SIK3: variants seen among roughly 807,000 people sequenced by gnomAD.
SIK3 encodes the protein serine/threonine-protein kinase SIK3.
Under a neutral mutation model 144.2 loss-of-function variants are expected in SIK3, and 28 were observed. The ratio of observed to expected loss-of-function variants is 0.19; its 90% CI spans 0.14 to 0.27. SIK3 has a LOEUF of 0.27. Among genes scored for constraint, SIK3 ranks in the 10% least tolerant of loss-of-function variants. The pLI, the probability that SIK3 is intolerant of heterozygous loss-of-function variation, is 1.00. For synonymous variants in SIK3, 686 were observed against 676.3 expected (o/e 1.01, Z -0.22); for missense variants, 1,319 against 1,776.0 (o/e 0.74, Z 4.62).
chr11:116,884,057 C>T (rs1054293973), intron 6 of SIK3, among the ~76,000 whole-genome samples: 6 of 152,000 alleles, frequency 3.9e-5, no homozygotes, highest in African/African-American at 1.5e-4. Context: ...TTTGTTGTTG[C>T]ACTGAAATTT....
chr11:116,868,967 G>A (rs1943804357), intron 14 of SIK3: 1 of 152,126 alleles, frequency 6.6e-6, no homozygotes, highest in African/African-American at 2.4e-5. Flanking sequence ...CATCAAAACT[G>A]ATGGGCATTA....
At chr11:117,080,535 A>G (rs748422122) in intron 1 of SIK3, among the ~76,000 whole-genome samples, 2 of 152,226 alleles carry the variant, frequency 1.3e-5, no homozygotes, top group Admixed American at 6.5e-5. Flanking sequence ...AAATAAGTCT[A>G]CGTGTTTTGA....
intron 1 of SIK3, among the ~76,000 whole-genome samples, chr11:117,000,134 T>C (rs145071683): frequency 7.2e-5 from 11 of 152,328 alleles, no homozygotes; most frequent in Non-Finnish European, 1.6e-4. Context: ...TCAGGTCACA[T>C]TTAGCTCAAG....
chr11:117,039,929 G>A (rs1427661223), intron 1 of SIK3, among the ~76,000 whole-genome samples: 1 of 152,186 alleles, frequency 6.6e-6, no homozygotes, highest in East Asian at 1.9e-4. Flanking sequence ...AACAAGGATA[G>A]CAGCAGGTTC....
At chr11:116,912,338 T>C (rs975388167) in intron 4 of SIK3, among the ~76,000 whole-genome samples, 7 of 152,202 alleles carry the variant, frequency 4.6e-5, no homozygotes, top group Admixed American at 6.5e-5. Flanking sequence ...ATCAACTGGA[T>C]ATGTCTATGT....
At chr11:117,019,754 C>T (rs1209359875) in intron 1 of SIK3, among the ~76,000 whole-genome samples, 1 of 152,066 alleles carries the variant, frequency 6.6e-6, no homozygotes, top group Non-Finnish European at 1.5e-5. Context: ...GCTGGGACTA[C>T]AGGCGCGTGC....
Position 116,859,483 on chromosome 11 carries a change from A to T in SIK3, c.2547T>A (p.Pro849=). Residue 849 remains proline (P), a synonymous_variant, in exon 20 of 25, where the codon CCT becomes CCA. Transcript: ENST00000445177. ...GGATGGTGACCTGCTGTGACTGAGC[A>T]GGCTGCTGCATACCCAAGCAGGTTA... ...VALTCLGMQQ[P]AQSQQVTIQV... 1.2e-6 allele frequency: 2 copies of T among 1,614,210 alleles called. No homozygotes were observed. Among genetic ancestry groups the T allele is most frequent in the African/African-American group, 1.3e-5 (1 of 75,062 alleles).
At chr11:117,007,661 T>C (rs1439416426) in intron 1 of SIK3, among the ~76,000 whole-genome samples, 1 of 152,226 alleles carries the variant, frequency 6.6e-6, no homozygotes, top group Non-Finnish European at 1.5e-5. Context: ...TCACAATTAA[T>C]GTTATGGAGT....
In SIK3 at chr11:116,950,553, C is replaced by T. The variant is rs187802555; in HGVS notation, c.454+3491G>A. 1.2e-4 allele frequency among the ~76,000 whole-genome samples: 19 copies of T among 152,234 alleles called. No individual in the cohort carries two copies. The East Asian group carries it at 2.5e-3, about 20-fold the overall frequency. Reference sequence around the variant, plus strand: ...TTAATCCTTACTAAAAAAGGTAGCCCGAAGTAACCTGATGTTAACTGGTTA... The same window carrying T: ...TTAATCCTTACTAAAAAAGGTAGCCTGAAGTAACCTGATGTTAACTGGTTA... On this transcript the variant is annotated intron_variant, in intron 3 of 24. Coordinates refer to ENST00000445177, the MANE Select transcript of SIK3 (RefSeq NM_001366686.3).
intron 6 of SIK3, among the ~76,000 whole-genome samples, chr11:116,891,086 C>T (rs1468241024): frequency 6.6e-6 from 1 of 151,980 alleles, no homozygotes; most frequent in South Asian, 2.1e-4. Flanking sequence ...GAGGGAGGAT[C>T]GCTTAAGGTT....
chr11:116,924,614 C>A (rs911587440), intron 4 of SIK3, among the ~76,000 whole-genome samples: 1 of 152,226 alleles, frequency 6.6e-6, no homozygotes, highest in Non-Finnish European at 1.5e-5. Context: ...GCAGGCCCCA[C>A]AGCTCGCAGC....
At chr11:116,875,135 A>G in intron 11 of SIK3, 23 bp downstream of exon 11, 2 of 1,586,180 alleles carry the variant, frequency 1.3e-6, no homozygotes, top group Non-Finnish European at 1.7e-6. Flanking sequence ...AGTGTTAGTG[A>G]GGGCTGTTGG....
At chr11:117,000,095 A>G (rs1565542440) in intron 1 of SIK3, among the ~76,000 whole-genome samples, 1 of 152,172 alleles carries the variant, frequency 6.6e-6, no homozygotes, top group South Asian at 2.1e-4. Context: ...GATAGTTATA[A>G]TTTTTTTCAT....
At chr11:116,946,366 CT>C (rs939130693) in intron 3 of SIK3, among the ~76,000 whole-genome samples, 1 of 150,422 alleles carries the variant, frequency 6.6e-6, no homozygotes, top group African/African-American at 2.5e-5. Flanking sequence ...GACTTTGTCA[CT>C]TACGGCACAG....
At chr11:116,925,623 A>G (rs1438242409) in intron 4 of SIK3, among the ~76,000 whole-genome samples, 1 of 152,242 alleles carries the variant, frequency 6.6e-6, no homozygotes, top group African/African-American at 2.4e-5. Flanking sequence ...TTATAGTAAT[A>G]ATAAGACACT....
rs148280079 is a variant in SIK3 at position 116,897,158 on chromosome 11, A to T, written c.741+35T>A. The T allele has an allele frequency of 1.0e-5, 16 of 1,604,752 alleles. 2 individuals carry two copies. In the African/African-American group the frequency reaches 2.0e-4, roughly 20 times the overall value. ...TAGCTGTCATCAACCAAGGGTAGCT[A>T]ATGCTGTGGGGTATAAGAGAAGGCA... On this transcript the variant is annotated intron_variant, in intron 5 of 24. Coordinates refer to ENST00000445177, the MANE Select transcript of SIK3 (RefSeq NM_001366686.3).
At chr11:117,088,222 A>G (rs1955100317) in intron 1 of SIK3, among the ~76,000 whole-genome samples, 1 of 152,172 alleles carries the variant, frequency 6.6e-6, no homozygotes, top group African/African-American at 2.4e-5. Context: ...TAGGTGACAA[A>G]GCGAAACCCT....
intron 1 of SIK3, among the ~76,000 whole-genome samples, chr11:117,096,891 G>A (rs1296681018): frequency 1.3e-5 from 2 of 152,184 alleles, no homozygotes; most frequent in African/African-American, 4.8e-5. Context: ...GAGGTGAGGG[G>A]AATTGATGTG....
chr11:116,963,375 A>C lies in SIK3; in HGVS notation c.274-6311T>G, dbSNP rs76936604. 4.8e-3 allele frequency among the ~76,000 whole-genome samples: 725 copies of C among 152,338 alleles called. 4 individuals are homozygous for C. The highest frequency in any genetic ancestry group is 0.01 in the Middle Eastern group (3 of 294). On this transcript the variant is annotated intron_variant, in intron 1 of 24. Transcript: ENST00000445177. Reference sequence around the variant, plus strand: ...AAGAAGTTTTGATTATGTGAGTAATATCTTTCAATATTTGCTTAGAAATCA... The same window carrying C: ...AAGAAGTTTTGATTATGTGAGTAATCTCTTTCAATATTTGCTTAGAAATCA...
Sources: allele counts gnomAD v4.1 joint callset (sites outside exome capture counted in the v4.1 genomes callset), GRCh38; gene constraint gnomAD v4.1.1; transcripts MANE v1.5; gene names NCBI Gene and HGNC (gene_info 2026-07-23, HGNC 2026-07-21).